The following PCDH15 variants were observed in gnomAD, a reference collection of about 807,000 sequenced individuals.
PCDH15 encodes protocadherin related 15.
In PCDH15, 129 loss-of-function variants were observed where a neutral mutation model predicts 178.5. That is an observed-to-expected ratio of 0.72 (90% CI 0.63 to 0.84). The LOEUF is 0.84. Among genes scored for constraint, PCDH15 ranks in the 40% least tolerant of loss-of-function variants. The probability of loss-of-function intolerance (pLI) is 0.00; values close to 1 mark genes in which losing one functional copy is unlikely to be tolerated. For missense variants in PCDH15, 2,230 were observed against 2,099.9 expected (o/e 1.06, Z -1.21); for synonymous variants, 800 against 732.0 (o/e 1.09, Z -1.50).
rs1407698052 is a variant in PCDH15 at position 54,711,745 on chromosome 10, A to G, written c.-28-47455T>C. Among the ~76,000 whole-genome samples the G allele has an allele frequency of 2.2e-5, 3 of 134,450 alleles. No individual in the cohort carries two copies. In the East Asian group the frequency reaches 5.9e-4, roughly 27 times the overall value. The allele number at this position is 134,450 out of a possible 152,430, so 88.2% of individuals were successfully genotyped here. A position where few individuals can be genotyped will look rare whatever the true frequency, so the allele number is the denominator to read the frequency against. On this transcript the variant is annotated intron_variant, in intron 1 of 37. Transcript: ENST00000644397. The stretch of plus-strand genomic sequence containing the variant: ...AGTTTATTCATTCAACCTTAATTTG[A>G]AAAACTAATAAAAGTTATTATTTTT...
At position 55,526,254 on chromosome 10, in the gene PCDH15, T is replaced by C. The variant is rs1470037279; in HGVS notation, c.-156+101371A>G. On this transcript the variant is annotated intron_variant, in intron 2 of 5. Coordinates refer to the PCDH15 transcript ENST00000613346. ...TCAACACAATTCTATTTTTTTCATT[T>C]CATATAGTAAAAAGTATCATTATTC... 3.0e-4 allele frequency among the ~76,000 whole-genome samples: 45 copies of C among 152,106 alleles called. 1 individual carries two copies. The highest frequency in any genetic ancestry group is 1.5e-5 in the Non-Finnish European group (1 of 67,936).
chr10:54,027,808 T>A (rs1256837722), intron 18 of PCDH15, among the ~76,000 whole-genome samples: 3 of 139,356 alleles, frequency 2.2e-5, no homozygotes, highest in African/African-American at 8.4e-5. Flanking sequence ...GATTAAAGAC[T>A]TAAACGTTAG....
At chr10:54,045,365 G>A (rs2660164) in intron 18 of PCDH15, among the ~76,000 whole-genome samples, 119,876 of 152,020 alleles carry the variant, frequency 0.79, 47,684 homozygotes, top group African/African-American at 0.88. Flanking sequence ...TTTATGGTTA[G>A]TCAGTAGAAA....
At chr10:55,517,240 A>G (rs369364788) in intron 2 of PCDH15, among the ~76,000 whole-genome samples, 48 of 152,236 alleles carry the variant, frequency 3.2e-4, no homozygotes, top group African/African-American at 1.0e-3. Flanking sequence ...ATTGGTCAAC[A>G]TTGATGTTTG....
At chr10:54,147,653 C>G (rs989915001) in intron 14 of PCDH15, among the ~76,000 whole-genome samples, 2 of 151,432 alleles carry the variant, frequency 1.3e-5, no homozygotes, top group African/African-American at 4.8e-5. Flanking sequence ...TATATAATAC[C>G]AACTTGTGGT....
At chr10:55,057,677 C>G (rs1222175934) in intron 2 of PCDH15, among the ~76,000 whole-genome samples, 1 of 152,118 alleles carries the variant, frequency 6.6e-6, no homozygotes, top group African/African-American at 2.4e-5. Flanking sequence ...TCCCCTTTCT[C>G]CATGATATAA....
At chr10:55,533,015 C>T (rs888413412) in intron 2 of PCDH15, among the ~76,000 whole-genome samples, 11 of 151,854 alleles carry the variant, frequency 7.2e-5, no homozygotes, top group Non-Finnish European at 1.2e-4. Context: ...ACATCTCCTT[C>T]TTTGTCAGTC....
intron 2 of PCDH15, among the ~76,000 whole-genome samples, chr10:55,154,500 C>A (rs1274837186): frequency 6.6e-6 from 1 of 152,012 alleles, no homozygotes; most frequent in East Asian, 1.9e-4. Flanking sequence ...ATTTGGCTTA[C>A]CGAAGCTTAC....
intron 1 of PCDH15, among the ~76,000 whole-genome samples, chr10:54,787,972 G>T (rs545252801): frequency 6.6e-6 from 1 of 151,906 alleles, no homozygotes; most frequent in South Asian, 2.1e-4. Flanking sequence ...TCTTAGCAAC[G>T]CAATGACACC....
chr10:53,822,661 C>T (rs1174575555), intron 32 of PCDH15: 18 of 1,613,918 alleles, frequency 1.1e-5, no homozygotes, highest in Non-Finnish European at 1.5e-5. Context: ...GAACTGATGA[C>T]ATTAGGTTCT....
In PCDH15 at chr10:53,811,144, TATC is replaced by T. The variant is rs551968832; in HGVS notation, c.4562+402_4562+404del. 6.6e-5 allele frequency among the ~76,000 whole-genome samples: 10 copies of T among 152,326 alleles called. No individual in the cohort carries two copies. The South Asian group carries it at 2.1e-3, about 32-fold the overall frequency. On this transcript the variant is annotated intron_variant, in intron 36 of 37. Coordinates refer to ENST00000644397, the MANE Select transcript of PCDH15 (RefSeq NM_001384140.1). ...GTGTACAAGTGACTTTTGAGACACT[TATC>T]AGTGGATTCTAAGGTGTGTTTTCTG... is the stretch of plus-strand genomic sequence containing the variant.
At chr10:54,748,780 T>A (rs1945805116) in intron 1 of PCDH15, among the ~76,000 whole-genome samples, 1 of 152,232 alleles carries the variant, frequency 6.6e-6, no homozygotes, top group African/African-American at 2.4e-5. Flanking sequence ...TTGTAATTTT[T>A]GAGAACAGGG....
chr10:54,556,082 A>G (rs771928588), intron 2 of PCDH15, among the ~76,000 whole-genome samples: 12 of 152,202 alleles, frequency 7.9e-5, no homozygotes, highest in Non-Finnish European at 1.5e-4. Flanking sequence ...GGGCTGGGGT[A>G]CCCATTTATT....
At chr10:53,888,695 A>ATATG (rs2081344647) in intron 26 of PCDH15, among the ~76,000 whole-genome samples, 1 of 52,542 alleles carries the variant, frequency 1.9e-5, no homozygotes, top group African/African-American at 5.5e-5. Flanking sequence ...ATATATATAT[A>ATATG]TATATATATC....
At chr10:54,163,167 C>T in intron 13 of PCDH15, among the ~76,000 whole-genome samples, 1 of 152,098 alleles carries the variant, frequency 6.6e-6, no homozygotes, top group East Asian at 1.9e-4. Context: ...AACAATACTT[C>T]TGTATGCACA....
intron 1 of PCDH15, among the ~76,000 whole-genome samples, chr10:54,767,091 C>A (rs756275794): frequency 6.6e-6 from 1 of 152,060 alleles, no homozygotes; most frequent in Non-Finnish European, 1.5e-5. Context: ...GAATACATGA[C>A]AACATCTTCA....
intron 2 of PCDH15, among the ~76,000 whole-genome samples, chr10:55,620,459 CT>C (rs1201442481): frequency 6.6e-6 from 1 of 151,886 alleles, no homozygotes; most frequent in East Asian, 1.9e-4. Flanking sequence ...AGTATTTACT[CT>C]TTTTTTAGTT....
chr10:54,044,542 T>C (rs1328787556), intron 18 of PCDH15, among the ~76,000 whole-genome samples: 1 of 152,084 alleles, frequency 6.6e-6, no homozygotes, highest in Non-Finnish European at 1.5e-5. Context: ...AAACTTGTGT[T>C]CCTTAGTGTC....
chr10:55,486,323 A>G (rs1272099108), intron 2 of PCDH15, among the ~76,000 whole-genome samples: 1 of 151,746 alleles, frequency 6.6e-6, no homozygotes, highest in Non-Finnish European at 1.5e-5. Context: ...GTAATCAACC[A>G]AATATATCTA....
Sources: gnomAD v4.1 joint callset for allele counts (sites outside exome capture counted in the v4.1 genomes callset) on GRCh38, gnomAD v4.1.1 for gene constraint, MANE v1.5 for transcripts, NCBI Gene and HGNC (gene_info 2026-07-23, HGNC 2026-07-21) for gene names.